Variants in CLN8 observed in about 807,000 individuals in gnomAD.
CLN8 encodes protein CLN8.
In CLN8, 14 loss-of-function variants were observed where a neutral mutation model predicts 15.7. The observed-to-expected ratio is 0.89, with a 90% CI of 0.59 to 1.39. CLN8 has a LOEUF of 1.39. Ranked by LOEUF, CLN8 falls within the 40% of genes most tolerant of loss-of-function variation. CLN8 has a pLI of 0.00. For missense variants in CLN8, 415 were observed against 364.0 expected (o/e 1.14, Z -1.14); for synonymous variants, 188 against 151.0 (o/e 1.25, Z -1.80).
upstream of CLN8, among the ~76,000 whole-genome samples, chr8:1,753,086 G>A (rs1800591620): frequency 6.6e-6 from 1 of 152,296 alleles, no homozygotes; most frequent in Middle Eastern, 3.4e-3. Context: ...GAGTTAGACG[G>A]TGGCAGCCTC....
At position 1,780,655 on chromosome 8, in the gene CLN8, G is replaced by A. The variant is rs1421027640; in HGVS notation, c.*88G>A. On this transcript the variant is annotated 3_prime_UTR_variant, in exon 3 of 3. Transcript: ENST00000331222. ...GAATGATGGCTTTTGAATTAATGAG[G>A]CAGTGAATGTTTTGTGTTTACTTCT... 6.4e-6 allele frequency: 8 copies of A among 1,247,974 alleles called. No individual in the cohort carries two copies. Among genetic ancestry groups the A allele is most frequent in the Non-Finnish European group, 8.0e-6 (7 of 871,376 alleles). 77.3% of individuals were successfully genotyped at this position (1,247,974 alleles called of 1,614,324 possible).
Position 1,784,293 on chromosome 8 carries a change from A to C in CLN8, c.*3726A>C, listed in dbSNP as rs543897007. On this transcript the variant is annotated 3_prime_UTR_variant, in exon 3 of 3. Transcript: ENST00000331222. ...CAGTGAGACTCCATCTCAAAAAAAA[A>C]AAAAGAACGGACATCATTTCTCACA... The C allele has an allele frequency of 3.3e-5, 5 of 153,026 alleles. No individual in the cohort carries two copies. The highest frequency in any genetic ancestry group is 1.2e-4 in the African/African-American group (5 of 41,414). The allele number at this position is 153,026 out of a possible 1,614,324, so 9.5% of individuals were successfully genotyped here. A position where few individuals can be genotyped will look rare whatever the true frequency, so the allele number is the denominator to read the frequency against.
At chr8:1,766,086 A>G (rs1801042883) in intron 1 of CLN8, among the ~76,000 whole-genome samples, 2 of 152,342 alleles carry the variant, frequency 1.3e-5, no homozygotes, top group Admixed American at 1.3e-4. Context: ...TCCTGGTCAC[A>G]CTGCAGCAAC....
rs953394281 is a variant in CLN8 at position 1,786,236 on chromosome 8, G to T, written c.*5669G>T. On this transcript the variant is annotated 3_prime_UTR_variant, in exon 3 of 3. Coordinates refer to ENST00000331222, the MANE Select transcript of CLN8 (RefSeq NM_018941.4). ...TGGGGGAGGGGCTGCAGGAGGAGGG[G>T]GGGCAGGCACCCATGAGTCTGTCCA... is the stretch of plus-strand genomic sequence containing the variant. The T allele has an allele frequency of 6.6e-6, 1 of 152,276 alleles. No individual in the cohort carries two copies. Among genetic ancestry groups the T allele is most frequent in the African/African-American group, 2.4e-5 (1 of 41,356 alleles). 9.4% of individuals were successfully genotyped at this position (152,276 alleles called of 1,614,324 possible).
Position 1,770,947 on chromosome 8 carries a change from G to A in CLN8, c.-108G>A, listed in dbSNP as rs1048152901. 38 of 992,410 alleles carry A rather than the reference G, an allele frequency of 3.8e-5. No homozygotes were observed. Among genetic ancestry groups the A allele is most frequent in the Admixed American group, 9.2e-5 (5 of 54,276 alleles). The allele number at this position is 992,410 out of a possible 1,614,324, so 61.5% of individuals were successfully genotyped here. A position where few individuals can be genotyped will look rare whatever the true frequency, so the allele number is the denominator to read the frequency against. On this transcript the variant is annotated 5_prime_UTR_variant, in exon 2 of 3. In the 5' UTR this introduces an upstream ATG that the reference lacks. Coordinates refer to ENST00000331222, the MANE Select transcript of CLN8 (RefSeq NM_018941.4). Reference sequence around the variant, plus strand: ...TTTCTTTTAGATTGAAGATGGATACGTGACAATCCCAGGGACCGCTGCACT... The same window carrying A: ...TTTCTTTTAGATTGAAGATGGATACATGACAATCCCAGGGACCGCTGCACT...
chr8:1,768,429 C>T (rs1430477531), intron 1 of CLN8, among the ~76,000 whole-genome samples: 5 of 152,194 alleles, frequency 3.3e-5, no homozygotes, highest in Admixed American at 6.5e-5. Flanking sequence ...TTGATCTGGG[C>T]AGAGCCTTCT....
chr8:1,772,943 G>C (rs1801372735), intron 2 of CLN8: 3 of 398,444 alleles, frequency 7.5e-6, no homozygotes, highest in Non-Finnish European at 1.3e-5. Context: ...AGCCTCGAGA[G>C]GAAAAATAAG....
At chr8:1,775,730 T>G (rs56147268) in intron 2 of CLN8, among the ~76,000 whole-genome samples, 5 of 152,266 alleles carry the variant, frequency 3.3e-5, no homozygotes, top group African/African-American at 1.2e-4. Context: ...AGTTCATCAC[T>G]GTGTGGGGCC....
In CLN8 at chr8:1,780,516, C is replaced by A. The variant is rs1295818451; in HGVS notation, c.810C>A (p.Ala270=). 1 of 1,614,232 alleles carries A rather than the reference C, an allele frequency of 6.2e-7. No homozygotes were observed. The highest frequency in any genetic ancestry group is 1.7e-5 in the Admixed American group (1 of 60,026). The change falls in exon 3 of 3, where the codon GCC becomes GCA. Residue 270 remains alanine (A), a synonymous_variant. Transcript: ENST00000331222. The part of the protein sequence containing the change: ...PVDWNFAQPE[A]KSRPEGNGQL... ...ACTGGAACTTCGCACAGCCAGAAGC[C>A]AAGAGCAGGCCAGAAGGCAACGGGC...
intron 2 of CLN8, 162 bp from the exon 3 acceptor site, chr8:1,780,088 A>C (rs1186636775): frequency 2.0e-6 from 2 of 985,332 alleles, no homozygotes; most frequent in East Asian, 2.3e-4. Context: ...CTCCTTTCAG[A>C]ATGAAGTCCC....
intron 2 of CLN8, among the ~76,000 whole-genome samples, chr8:1,776,137 C>T (rs1226816042): frequency 6.6e-6 from 1 of 151,706 alleles, no homozygotes; most frequent in African/African-American, 2.4e-5. Context: ...GAGGGGCACA[C>T]ATGCGTGGCA....
At position 1,784,411 on chromosome 8, in the gene CLN8, C is replaced by T. The variant is rs1456449226; in HGVS notation, c.*3844C>T. 1 of 152,268 alleles carries T rather than the reference C, an allele frequency of 6.6e-6. No individual in the cohort carries two copies. The highest frequency in any genetic ancestry group is 6.6e-5 in the Admixed American group (1 of 15,264). 9.4% of individuals were successfully genotyped at this position (152,268 alleles called of 1,614,324 possible). A position where few individuals can be genotyped will look rare whatever the true frequency, so the allele number is the denominator to read the frequency against. On this transcript the variant is annotated 3_prime_UTR_variant, in exon 3 of 3. Coordinates refer to ENST00000331222, the MANE Select transcript of CLN8 (RefSeq NM_018941.4). ...TCACGTGGTGGAGGGGATGGAAGGT[C>T]AACAGGCCTCAGCTAGTTCTCCGCT...
At chr8:1,776,940 G>A (rs1433827629) in intron 2 of CLN8, among the ~76,000 whole-genome samples, 1 of 152,212 alleles carries the variant, frequency 6.6e-6, no homozygotes, top group Non-Finnish European at 1.5e-5. Context: ...CAGACACGGT[G>A]AGAGACGTTA....
In CLN8 at chr8:1,771,195, T is replaced by C. The variant is rs1475467632; in HGVS notation, c.141T>C (p.Ser47=). 1 of 1,613,940 alleles carries C rather than the reference T, an allele frequency of 6.2e-7. No individual in the cohort carries two copies. Among genetic ancestry groups the C allele is most frequent in the African/African-American group, 1.3e-5 (1 of 74,888 alleles). ...GVFVVCHQLS[S]SLNATYRSLV... is the part of the protein sequence containing the mutation. ...TTGTGGTCTGCCACCAGCTGTCCTC[T>C]TCCCTGAATGCCACTTACCGTTCTT... is the stretch of plus-strand genomic sequence containing the variant. Residue 47 remains serine, a synonymous_variant, in exon 2 of 3, where the codon TCT becomes TCC. Coordinates refer to ENST00000331222, the MANE Select transcript of CLN8 (RefSeq NM_018941.4).
At chr8:1,772,462 A>G (rs1028943808) in intron 2 of CLN8, among the ~76,000 whole-genome samples, 14 of 151,944 alleles carry the variant, frequency 9.2e-5, no homozygotes, top group African/African-American at 3.4e-4. Flanking sequence ...AACTCTTTAA[A>G]CTTTTTTTCC....
At chr8:1,767,909 G>T (rs1345736649) in intron 1 of CLN8, among the ~76,000 whole-genome samples, 6 of 151,398 alleles carry the variant, frequency 4.0e-5, no homozygotes, top group African/African-American at 1.5e-4. Context: ...CAGATTCTGG[G>T]GTCCAGGGTG....
At chr8:1,762,069 A>T (rs1241082904), upstream of CLN8, 2 of 152,288 alleles carry the variant, frequency 1.3e-5, 1 homozygote, top group Non-Finnish European at 2.9e-5. Flanking sequence ...CCCAGGAATG[A>T]ACAAGGACAG....
intron 1 of CLN8, among the ~76,000 whole-genome samples, chr8:1,765,858 T>A (rs1217336931): frequency 6.6e-6 from 1 of 152,224 alleles, no homozygotes; most frequent in African/African-American, 2.4e-5. Context: ...TCCTAGAAAG[T>A]CAAGTGATTG....
upstream of CLN8, among the ~76,000 whole-genome samples, chr8:1,760,794 A>G (rs144003226): frequency 1.3e-5 from 2 of 152,286 alleles, no homozygotes; most frequent in East Asian, 3.9e-4. Context: ...GAGTGCAGTG[A>G]GAGACAGCTG....
Sources: allele counts gnomAD v4.1 joint callset (sites outside exome capture counted in the v4.1 genomes callset), GRCh38; gene constraint gnomAD v4.1.1; transcripts MANE v1.5; gene names NCBI Gene and HGNC (gene_info 2026-07-23, HGNC 2026-07-21).